Variants in PRKCZ observed in about 807,000 individuals in gnomAD.
The protein encoded by PRKCZ is protein kinase C zeta type.
In PRKCZ, 33 loss-of-function variants were observed where a neutral mutation model predicts 79.5. The ratio of observed to expected loss-of-function variants is 0.41; its 90% CI spans 0.31 to 0.55. PRKCZ has a LOEUF of 0.55. Ranked by LOEUF, PRKCZ falls within the 20% of genes least tolerant of loss-of-function variation. The probability of loss-of-function intolerance (pLI) is 0.19; values close to 1 mark genes in which losing one functional copy is unlikely to be tolerated. For missense variants in PRKCZ, 578 were observed against 813.5 expected (o/e 0.71, Z 3.52); for synonymous variants, 342 against 320.9 (o/e 1.07, Z -0.70).
rs2103118463 is a variant in PRKCZ, at chr1:2,144,448, G to A, written c.552+107G>A. ...GGTGACCCTGGGTTCTTCAAGAGGG[G>A]CCGTGGTGCCGTCCTAGCTCTGGGC... On this transcript the variant is annotated intron_variant, in intron 6 of 17. Transcript: ENST00000378567. 3 of 1,489,156 alleles carry A rather than the reference G, an allele frequency of 2.0e-6. No homozygotes were observed. In the East Asian group the frequency reaches 7.5e-5, roughly 37 times the overall value. 92.2% of individuals were successfully genotyped at this position (1,489,156 alleles called of 1,614,324 possible). A position where few individuals can be genotyped will look rare whatever the true frequency, so the allele number is the denominator to read the frequency against.
chr1:2,084,864 C>T (rs1463327337), intron 4 of PRKCZ, among the ~76,000 whole-genome samples: 1 of 152,110 alleles, frequency 6.6e-6, no homozygotes, highest in Non-Finnish European at 1.5e-5. Context: ...AAAAATTAGC[C>T]TGGTGTAGTG....
intron 1 of PRKCZ, among the ~76,000 whole-genome samples, chr1:2,052,228 C>A (rs1233930430): frequency 1.3e-5 from 2 of 152,186 alleles, no homozygotes; most frequent in African/African-American, 4.8e-5. Context: ...ATTCCTGGGA[C>A]CAAGGCTCGG....
rs781332492 is a variant in PRKCZ at position 2,055,477 on chromosome 1, C to T, written c.108C>T (p.Thr36=). The T allele has an allele frequency of 1.2e-6, 2 of 1,613,918 alleles. No individual in the cohort carries two copies. The highest frequency in any genetic ancestry group is 1.7e-6 in the Non-Finnish European group (2 of 1,179,984). Residue 36 remains threonine, a synonymous_variant, in exon 2 of 18, where the codon ACC becomes ACT. Coordinates refer to ENST00000378567, the MANE Select transcript of PRKCZ (RefSeq NM_002744.6). ...IFITSVDAAT[T]FEELCEEVRD... is the part of the protein sequence containing the mutation. ...TCACCAGCGTGGACGCCGCCACGAC[C>T]TTCGAGGAGCTCTGTGAGGAAGTGA...
intron 10 of PRKCZ, among the ~76,000 whole-genome samples, chr1:2,166,220 A>C (rs1683289615): frequency 1.3e-5 from 2 of 152,118 alleles, no homozygotes; most frequent in African/African-American, 4.8e-5. Flanking sequence ...GGGGTTCAAG[A>C]CCAGCCTGGG....
chr1:2,138,986 A>AC (rs1676784335), intron 5 of PRKCZ, among the ~76,000 whole-genome samples: 1 of 152,046 alleles, frequency 6.6e-6, no homozygotes, highest in South Asian at 2.1e-4. Context: ...GGCAGTGAGG[A>AC]CCAGAGGGTC....
In PRKCZ at chr1:2,177,365, A is replaced by C. The variant is rs1372387089; in HGVS notation, c.1575+2052A>C. Among the ~76,000 whole-genome samples the C allele has an allele frequency of 6.7e-6, 1 of 150,038 alleles. No homozygotes were observed. The highest frequency in any genetic ancestry group is 6.6e-5 in the Admixed American group (1 of 15,088). On this transcript the variant is annotated intron_variant, in intron 16 of 17. Transcript: ENST00000378567. The surrounding 1 kb of genome is among the most constrained non-coding windows in gnomAD (Gnocchi z 6.4). ...GCTCAGTCTCCCCCGTGCCTTTCCC[A>C]CCCTCTCTCTTCCAAGCCCACCACC...
rs1431328981 is a variant in PRKCZ, at chr1:2,094,306, G to T, written c.334+34715G>T. Among the ~76,000 whole-genome samples the T allele has an allele frequency of 6.6e-6, 1 of 152,218 alleles. No individual in the cohort carries two copies. Among genetic ancestry groups the T allele is most frequent in the Non-Finnish European group, 1.5e-5 (1 of 68,044 alleles). On this transcript the variant is annotated intron_variant, in intron 4 of 17. Transcript: ENST00000378567. The surrounding 1 kb of genome is among the most constrained non-coding windows in gnomAD (Gnocchi z 7.3). ...CCTGAACTCTTCTCCTACCATGATG[G>T]TGCCTGGGATGCTGTGTGGTGCCCG...
At position 2,168,040 on chromosome 1, in the gene PRKCZ, A is replaced by T. The variant is rs2100212276; in HGVS notation, c.975-1478A>T. Among the ~76,000 whole-genome samples the T allele has an allele frequency of 6.6e-6, 1 of 152,326 alleles. No individual in the cohort carries two copies. Among genetic ancestry groups the T allele is most frequent in the South Asian group, 2.1e-4 (1 of 4,830 alleles). On this transcript the variant is annotated intron_variant, in intron 10 of 17. Transcript: ENST00000378567. The surrounding 1 kb of genome is among the most constrained non-coding windows in gnomAD (Gnocchi z 4.7). ...TTGACGTTACTGAACGAGTCCCTCC[A>T]CGGGTGCACTGAGGACGTTCCTGCA...
In PRKCZ at chr1:2,050,589, G is replaced by C. The variant is rs1265527214; in HGVS notation, c.-42G>C. On this transcript the variant is annotated 5_prime_UTR_variant, in exon 1 of 18. Transcript: ENST00000378567. ...GCCCCCGCCCCGCGCCATGGCCGGA[G>C]CTCCCGGGGCGCAGCGCTGACGGCG... 16 of 1,186,208 alleles carry C rather than the reference G, an allele frequency of 1.3e-5. No homozygotes were observed. Among genetic ancestry groups the C allele is most frequent in the Non-Finnish European group, 1.5e-5 (14 of 950,224 alleles). The allele number at this position is 1,186,208 out of a possible 1,614,324, so 73.5% of individuals were successfully genotyped here.
chr1:2,161,814 G>GC (rs1205168782), intron 10 of PRKCZ, among the ~76,000 whole-genome samples: 2 of 152,092 alleles, frequency 1.3e-5, no homozygotes, highest in African/African-American at 4.8e-5. Context: ...CCCAGGATGA[G>GC]CAGGGATAGG....
In PRKCZ at chr1:2,050,697, G is replaced by C; in HGVS notation, c.67G>C (p.Gly23Arg). Reference sequence around the variant, plus strand: ...CCGCGTCCGCCTCAAGGCGCATTACGGGGGGTGAGCGGCGGAGAGGGCGGG... The same window carrying C: ...CCGCGTCCGCCTCAAGGCGCATTACCGGGGGTGAGCGGCGGAGAGGGCGGG... ...GGRVRLKAHY[G>R]GDIFITSVDA... Residue 23 changes from glycine to arginine, a missense_variant, in exon 1 of 18, where the codon GGG (glycine) becomes CGG (arginine). By Grantham distance (125) the Gly-to-Arg change is moderately radical (BLOSUM62 -2). Coordinates refer to ENST00000378567, the MANE Select transcript of PRKCZ (RefSeq NM_002744.6). The C allele has an allele frequency of 6.5e-6, 8 of 1,224,490 alleles. No homozygotes were observed. The highest frequency in any genetic ancestry group is 8.1e-6 in the Non-Finnish European group (8 of 982,254). The allele number at this position is 1,224,490 out of a possible 1,614,324, so 75.9% of individuals were successfully genotyped here.
At chr1:2,065,286 C>G (rs935505460) in intron 4 of PRKCZ, among the ~76,000 whole-genome samples, 1 of 152,216 alleles carries the variant, frequency 6.6e-6, no homozygotes, top group Non-Finnish European at 1.5e-5. Flanking sequence ...CATCTGTATA[C>G]AGAGATAATT....
intron 4 of PRKCZ, chr1:2,073,373 G>C (rs1386458672): frequency 1.3e-5 from 2 of 152,928 alleles, no homozygotes; most frequent in Middle Eastern, 3.4e-3. Flanking sequence ...GGGGCCCTTG[G>C]CCATTGGTGT....
chr1:2,088,518 G>C (rs1343451883), intron 4 of PRKCZ, among the ~76,000 whole-genome samples: 1 of 152,228 alleles, frequency 6.6e-6, no homozygotes, highest in Non-Finnish European at 1.5e-5. Context: ...TGTGGCGAGT[G>C]ATTGCCGCGT....
At chr1:2,096,600 C>T (rs1666567180) in intron 4 of PRKCZ, among the ~76,000 whole-genome samples, 1 of 152,180 alleles carries the variant, frequency 6.6e-6, no homozygotes, top group Non-Finnish European at 1.5e-5. Context: ...GCCCAGGGGT[C>T]TCCCCGTGGC....
Position 2,125,877 on chromosome 1 carries a change from C to G in PRKCZ, c.335-9385C>G, listed in dbSNP as rs985203831. Among the ~76,000 whole-genome samples the G allele has an allele frequency of 6.6e-6, 1 of 152,182 alleles. No individual in the cohort carries two copies. The highest frequency in any genetic ancestry group is 2.4e-5 in the African/African-American group (1 of 41,448). On this transcript the variant is annotated intron_variant, in intron 4 of 17. Transcript: ENST00000378567. The surrounding 1 kb of genome is among the most constrained non-coding windows in gnomAD (Gnocchi z 4.2). Reference sequence around the variant, plus strand: ...CCTGGAAGGAGCCGCCCGGCTGCCTCTCGCCAACATGCAGCACTTCCCTTC... The same window carrying G: ...CCTGGAAGGAGCCGCCCGGCTGCCTGTCGCCAACATGCAGCACTTCCCTTC...
Position 2,172,291 on chromosome 1 carries a change from G to A in PRKCZ, c.1198-10G>A, listed in dbSNP as rs763003346. The A allele has an allele frequency of 5.0e-6, 8 of 1,613,432 alleles. No individual in the cohort carries two copies. In the East Asian group the frequency reaches 1.8e-4, roughly 36 times the overall value. ...ACAAGAACCCTCTCCCAGTAACTTT[G>A]CCCCCACAGGAAGGCCTGGGCCCTG... On this transcript the variant is annotated splice_polypyrimidine_tract_variant and intron_variant, in intron 12 of 17. Coordinates refer to ENST00000378567, the MANE Select transcript of PRKCZ (RefSeq NM_002744.6). The surrounding 1 kb of genome is among the most constrained non-coding windows in gnomAD (Gnocchi z 7.8).
chr1:2,135,931 G>A (rs566495217), intron 5 of PRKCZ, among the ~76,000 whole-genome samples: 44 of 152,162 alleles, frequency 2.9e-4, no homozygotes, highest in Admixed American at 2.7e-3. Flanking sequence ...CACAGTGGAA[G>A]GGGAGGTGTC....
At position 2,150,829 on chromosome 1, in the gene PRKCZ, A is replaced by G; in HGVS notation, c.727A>G (p.Ile243Val). The G allele has an allele frequency of 6.2e-7, 1 of 1,614,146 alleles. No homozygotes were observed. The highest frequency in any genetic ancestry group is 8.5e-7 in the Non-Finnish European group (1 of 1,180,024). The part of the protein sequence containing the change: ...PVIDGMDGIK[I>V]SQGLGLQDFD... ...TATCGATGGGATGGATGGAATCAAA[A>G]TCTCTCAGGGGCTTGGGCTGCAGGA... Residue 243 changes from isoleucine to valine, a missense_variant, in exon 9 of 18, where the codon ATC becomes GTC. By Grantham distance (29) the Ile-to-Val change is conservative. Coordinates refer to ENST00000378567, the MANE Select transcript of PRKCZ (RefSeq NM_002744.6).
Sources: allele counts gnomAD v4.1 joint callset (sites outside exome capture counted in the v4.1 genomes callset), GRCh38; gene constraint gnomAD v4.1.1; non-coding constraint Gnocchi (gnomAD v3.1); transcripts MANE v1.5; gene names NCBI Gene and HGNC (gene_info 2026-07-23, HGNC 2026-07-21).